Variants in IL2RA observed in about 807,000 individuals in gnomAD.
IL2RA encodes interleukin 2 receptor subunit alpha.
A neutral mutation model predicts 37.8 loss-of-function variants in IL2RA; 24 were observed. The ratio of observed to expected loss-of-function variants is 0.63; its 90% CI spans 0.46 to 0.89. The LOEUF is 0.89. Among genes scored for constraint, IL2RA ranks in the 40% least tolerant of loss-of-function variants. The pLI, the probability that IL2RA is intolerant of heterozygous loss-of-function variation, is 0.00. For missense variants in IL2RA, 319 were observed against 348.6 expected, an observed-to-expected ratio of 0.92 and a Z score of 0.68; for synonymous variants, 125 against 114.6, an observed-to-expected ratio of 1.09 and a Z score of -0.58.
intron 1 of IL2RA, among the ~76,000 whole-genome samples, chr10:6,051,817 C>CTATATATTTATATATATATATA (rs1403643320): frequency 3.0e-5 from 1 of 33,664 alleles, no homozygotes; most frequent in African/African-American, 9.2e-5. Flanking sequence ...TCATGCCCAG[C>CTATATATTTATATATATATATA]TATATATATA....
Position 6,057,082 on chromosome 10 carries a change from T to C in IL2RA, c.64+5006A>G, listed in dbSNP as rs2104286. Among the ~76,000 whole-genome samples the C allele has an allele frequency of 0.18, 27,352 of 152,254 alleles. 2,975 individuals carry two copies. Among genetic ancestry groups the C allele is most frequent in the Non-Finnish European group, 0.26 (17,680 of 67,982 alleles). ...CATGCTCAGTAGATCTTACCACATA[T>C]GACTTGTGTTACCATGACTATATCT... is the stretch of plus-strand genomic sequence containing the variant. On this transcript the variant is annotated intron_variant, in intron 1 of 7. Transcript: ENST00000379959. This position sits in a 1 kb window ranked among gnomAD's most constrained non-coding sequence, Gnocchi z 4.8.
chr10:6,019,182 A>C (rs377003936), intron 6 of IL2RA, among the ~76,000 whole-genome samples: 1 of 152,168 alleles, frequency 6.6e-6, no homozygotes, highest in South Asian at 2.1e-4. Context: ...CTACCAACCT[A>C]CCAACCAATC....
rs1460860655 is a variant in IL2RA, at chr10:6,022,767, A to G, written c.368-1074T>C. On this transcript the variant is annotated intron_variant, in intron 3 of 7. Coordinates refer to ENST00000379959, the MANE Select transcript of IL2RA (RefSeq NM_000417.3). The surrounding 1 kb of genome is among the most constrained non-coding windows in gnomAD (Gnocchi z 4.7). ...TTGCTTCTTTCCAATGAAAACACCCAAACTGAGACAATCTTTGAAACATCC... is the reference window on the plus strand; with the variant it reads ...TTGCTTCTTTCCAATGAAAACACCCGAACTGAGACAATCTTTGAAACATCC... 6.7e-6 allele frequency among the ~76,000 whole-genome samples: 1 copy of G among 149,360 alleles called. No homozygotes were observed. Among genetic ancestry groups the G allele is most frequent in the East Asian group, 2.0e-4 (1 of 5,070 alleles).
At position 6,035,218 on chromosome 10, in the gene IL2RA, T is replaced by A. The variant is rs1018325971; in HGVS notation, c.65-9193A>T. Among the ~76,000 whole-genome samples, 8 of 152,278 alleles carry A rather than the reference T, an allele frequency of 5.3e-5. No individual in the cohort carries two copies. The highest frequency in any genetic ancestry group is 3.9e-4 in the East Asian group (2 of 5,178). On this transcript the variant is annotated intron_variant, in intron 1 of 7. Coordinates refer to ENST00000379959, the MANE Select transcript of IL2RA (RefSeq NM_000417.3). This position sits in a 1 kb window ranked among gnomAD's most constrained non-coding sequence, Gnocchi z 5.4. Reference sequence around the variant, plus strand: ...TAGTCTGCAAGACTAGCCCAGAAACTTGAATGGGACCCTGAGAGAGCCAGG... The same window carrying A: ...TAGTCTGCAAGACTAGCCCAGAAACATGAATGGGACCCTGAGAGAGCCAGG...
At position 6,029,924 on chromosome 10, in the gene IL2RA, C is replaced by T. The variant is rs191274456; in HGVS notation, c.65-3899G>A. On this transcript the variant is annotated intron_variant, in intron 1 of 7. Transcript: ENST00000379959. The surrounding 1 kb of genome is among the most constrained non-coding windows in gnomAD (Gnocchi z 4.6). ...TTCACCATGTTGACCAGGCTGGTCT[C>T]GAATTCCTGACCTCAGATGATCCAC... 2.0e-5 allele frequency among the ~76,000 whole-genome samples: 3 copies of T among 152,226 alleles called. No homozygotes were observed. The highest frequency in any genetic ancestry group is 3.9e-4 in the East Asian group (2 of 5,182).
At chr10:6,013,515 G>A (rs1839226292) in intron 7 of IL2RA, among the ~76,000 whole-genome samples, 1 of 152,154 alleles carries the variant, frequency 6.6e-6, no homozygotes, top group Admixed American at 6.5e-5. Context: ...CATAGCACAA[G>A]ACTCCAAGCA....
Position 6,018,004 on chromosome 10 carries a change from T to C in IL2RA, c.794+49A>G, listed in dbSNP as rs1589291155. 1.3e-6 allele frequency: 2 copies of C among 1,502,514 alleles called. No individual in the cohort carries two copies. The highest frequency in any genetic ancestry group is 2.3e-5 in the East Asian group (1 of 43,940). The allele number at this position is 1,502,514 out of a possible 1,614,324, so 93.1% of individuals were successfully genotyped here. On this transcript the variant is annotated intron_variant, in intron 7 of 7. Coordinates refer to ENST00000379959, the MANE Select transcript of IL2RA (RefSeq NM_000417.3). This position sits in a 1 kb window ranked among gnomAD's most constrained non-coding sequence, Gnocchi z 5.1. The stretch of plus-strand genomic sequence containing the variant: ...AGGGGGGAGGCAGGGTGGGGCTGGG[T>C]ACAGGACTTTGATCTGACCAAGGGC...
intron 1 of IL2RA, among the ~76,000 whole-genome samples, chr10:6,034,568 G>T (rs942876394): frequency 8.6e-5 from 13 of 152,040 alleles, no homozygotes; most frequent in Non-Finnish European, 1.5e-4. Context: ...CCACTTATAT[G>T]ACTCCAAAAT....
At chr10:6,016,601 T>A (rs1381475644) in intron 7 of IL2RA, among the ~76,000 whole-genome samples, 2 of 152,106 alleles carry the variant, frequency 1.3e-5, no homozygotes, top group African/African-American at 4.8e-5. Context: ...AGACAGAGTT[T>A]CACTCTTGTT....
At chr10:6,042,135 G>A (rs975452793) in intron 1 of IL2RA, among the ~76,000 whole-genome samples, 2 of 11,796 alleles carry the variant, frequency 1.7e-4, no homozygotes, top group African/African-American at 5.1e-4. Context: ...CCTGATGCTA[G>A]CAATGTATTA....
At position 6,012,362 on chromosome 10, in the gene IL2RA, G is replaced by C. The variant is rs1323861297; in HGVS notation, c.*510C>G. ...AGGATGTTTATTAGGCAACGTGAAC[G>C]GGAGAATCAGCAGTCAGAAGCGGCT... On this transcript the variant is annotated 3_prime_UTR_variant, in exon 8 of 8. Coordinates refer to ENST00000379959, the MANE Select transcript of IL2RA (RefSeq NM_000417.3). The surrounding 1 kb of genome is among the most constrained non-coding windows in gnomAD (Gnocchi z 4.8). 6.2e-6 allele frequency: 1 copy of C among 161,162 alleles called. No individual in the cohort carries two copies. The highest frequency in any genetic ancestry group is 1.8e-4 in the South Asian group (1 of 5,684). The allele number at this position is 161,162 out of a possible 1,614,324, so 10.0% of individuals were successfully genotyped here.
In IL2RA at chr10:6,051,526, C is replaced by CT. The variant is rs1312667850; in HGVS notation, c.64+10561dup. Among the ~76,000 whole-genome samples, 238 of 117,142 alleles carry CT rather than the reference C, an allele frequency of 2.0e-3. 3 individuals are homozygous for CT. Among genetic ancestry groups the CT allele is most frequent in the African/African-American group, 4.9e-3 (155 of 31,590 alleles). 76.8% of individuals were successfully genotyped at this position (117,142 alleles called of 152,430 possible). On this transcript the variant is annotated intron_variant, in intron 1 of 7. Coordinates refer to ENST00000379959, the MANE Select transcript of IL2RA (RefSeq NM_000417.3). ...ATATATATATATATATATTTTTTTT[C>CT]TTTTTTTTTTTGAGACGGAGTTTCC...
Position 6,035,186 on chromosome 10 carries a change from T to A in IL2RA, c.65-9161A>T, listed in dbSNP as rs774114113. Among the ~76,000 whole-genome samples, 6 of 151,982 alleles carry A rather than the reference T, an allele frequency of 3.9e-5. No individual in the cohort carries two copies. Among genetic ancestry groups the A allele is most frequent in the Non-Finnish European group, 7.4e-5 (5 of 67,980 alleles). On this transcript the variant is annotated intron_variant, in intron 1 of 7. Coordinates refer to ENST00000379959, the MANE Select transcript of IL2RA (RefSeq NM_000417.3). The surrounding 1 kb of genome is among the most constrained non-coding windows in gnomAD (Gnocchi z 5.4). ...CACCTACTCCCACCAGGCAACTGAG[T>A]GGTATTTAGTCTGCAAGACTAGCCC...
At chr10:6,060,657 T>C (rs529093792) in intron 1 of IL2RA, among the ~76,000 whole-genome samples, 1 of 152,154 alleles carries the variant, frequency 6.6e-6, no homozygotes, top group Admixed American at 6.5e-5. Context: ...CTCAGGAGTC[T>C]GAGGCACGAG....
intron 1 of IL2RA, among the ~76,000 whole-genome samples, chr10:6,049,418 C>G (rs753853021): frequency 6.6e-6 from 1 of 152,176 alleles, no homozygotes; most frequent in Non-Finnish European, 1.5e-5. Flanking sequence ...CTAGTGTCTC[C>G]TGGAAATACC....
At chr10:6,039,422 AAC>A (rs924718150) in intron 1 of IL2RA, 3 of 152,244 alleles carry the variant, frequency 2.0e-5, no homozygotes, top group African/African-American at 7.2e-5. Flanking sequence ...GAGAAATTTT[AAC>A]AGTGTCTTCC....
intron 7 of IL2RA, among the ~76,000 whole-genome samples, chr10:6,013,285 C>T (rs1045279957): frequency 1.4e-4 from 22 of 152,282 alleles, no homozygotes; most frequent in African/African-American, 4.3e-4. Context: ...TTGTGCTGTC[C>T]GATAACACAG....
intron 1 of IL2RA, among the ~76,000 whole-genome samples, chr10:6,045,190 A>ATGGTTT (rs1839831466): frequency 2.0e-5 from 3 of 152,212 alleles, no homozygotes; most frequent in African/African-American, 4.8e-5. Context: ...TCTGACCCAC[A>ATGGTTT]GTTTCTGAGG....
In IL2RA at chr10:6,058,315, T is replaced by C. The variant is rs1840078836; in HGVS notation, c.64+3773A>G. Among the ~76,000 whole-genome samples, 3 of 152,200 alleles carry C rather than the reference T, an allele frequency of 2.0e-5. No homozygotes were observed. The highest frequency in any genetic ancestry group is 7.2e-5 in the African/African-American group (3 of 41,448). ...TGAAACTCATTCTTTTGGTGCAGAA[T>C]TGTGAAGTCAATTTTTTTCTTTTTC... On this transcript the variant is annotated intron_variant, in intron 1 of 7. Transcript: ENST00000379959. The surrounding 1 kb of genome is among the most constrained non-coding windows in gnomAD (Gnocchi z 4.2).
Sources: gnomAD v4.1 joint callset for allele counts (sites outside exome capture counted in the v4.1 genomes callset) on GRCh38, gnomAD v4.1.1 for gene constraint, Gnocchi (gnomAD v3.1) non-coding constraint, MANE v1.5 for transcripts, NCBI Gene and HGNC (gene_info 2026-07-23, HGNC 2026-07-21) for gene names.